Variants in COL4A4 observed in about 807,000 individuals in gnomAD.
The protein encoded by COL4A4 is collagen alpha-4(IV) chain.
Under a neutral mutation model 192.9 loss-of-function variants are expected in COL4A4, and 105 were observed. The observed-to-expected ratio is 0.54, with a 90% CI of 0.46 to 0.64. The LOEUF (loss-of-function observed/expected upper bound fraction) is 0.64. COL4A4 is among the 30% of genes least tolerant of loss of function. The pLI, the probability that COL4A4 is intolerant of heterozygous loss-of-function variation, is 0.00. For synonymous variants in COL4A4, 762 were observed against 769.9 expected (o/e 0.99, Z 0.17); for missense variants, 1,967 against 2,169.3 (o/e 0.91, Z 1.85).
the COL4A4 span, among the ~76,000 whole-genome samples, chr2:226,992,211 A>C: frequency 2.0e-5 from 3 of 152,224 alleles, no homozygotes; most frequent in Admixed American, 6.5e-5. Context: ...GACTGAGTGG[A>C]CAGCCAGGAA....
intron 4 of COL4A4, among the ~76,000 whole-genome samples, chr2:227,137,913 C>CT (rs1389528487): frequency 2.6e-5 from 4 of 152,016 alleles, no homozygotes; most frequent in Non-Finnish European, 5.9e-5. Context: ...AAAAGCCAGG[C>CT]TTTTTTTCTA....
the COL4A4 span, among the ~76,000 whole-genome samples, chr2:226,967,975 T>C: frequency 6.6e-6 from 1 of 152,200 alleles, no homozygotes; most frequent in Non-Finnish European, 1.5e-5. Flanking sequence ...ATGACTCTCT[T>C]TTGCTAGTTA....
the COL4A4 span, among the ~76,000 whole-genome samples, chr2:226,986,346 T>TATCA: frequency 1.3e-5 from 2 of 152,258 alleles, no homozygotes; most frequent in African/African-American, 2.4e-5. Flanking sequence ...CAGAGGAATG[T>TATCA]ATCAATGTTG....
intron 43 of COL4A4, 21 bp from the exon 44 acceptor site, chr2:227,022,194 T>C: frequency 6.2e-7 from 1 of 1,613,996 alleles, no homozygotes; most frequent in Non-Finnish European, 8.5e-7. Context: ...AATCACCGCT[T>C]GTGTAATGGA....
downstream of COL4A4, among the ~76,000 whole-genome samples, chr2:227,000,633 A>G (rs546321792): frequency 5.9e-5 from 9 of 152,268 alleles, no homozygotes; most frequent in Admixed American, 2.6e-4. Flanking sequence ...CTGAGCATCA[A>G]GTAAGGGCCT....
chr2:227,094,783 T>C (rs2060122833), intron 19 of COL4A4, among the ~76,000 whole-genome samples: 1 of 152,196 alleles, frequency 6.6e-6, no homozygotes, highest in African/African-American at 2.4e-5. Context: ...CATTGTACAA[T>C]GTATACATAT....
At chr2:227,060,417 A>G (rs1028416982) in intron 26 of COL4A4, among the ~76,000 whole-genome samples, 174 bp from the exon 27 acceptor site, 30 of 152,230 alleles carry the variant, frequency 2.0e-4, no homozygotes, top group African/African-American at 7.2e-4. Flanking sequence ...ATATGCTCCA[A>G]ATAAATGTTT....
chr2:227,080,253 A>G (rs1357799068), intron 24 of COL4A4, among the ~76,000 whole-genome samples, 190 bp downstream of exon 24: 1 of 152,194 alleles, frequency 6.6e-6, no homozygotes, highest in Non-Finnish European at 1.5e-5. Flanking sequence ...AGGATTTTAG[A>G]CCATGTCCAA....
intron 34 of COL4A4, among the ~76,000 whole-genome samples, chr2:227,048,661 A>G (rs973053285): frequency 6.6e-6 from 1 of 152,192 alleles, no homozygotes; most frequent in African/African-American, 2.4e-5. Flanking sequence ...GATCCATGAG[A>G]CATCTTTGAC....
chr2:227,021,436 C>G (rs1965990847), intron 44 of COL4A4, among the ~76,000 whole-genome samples: 1 of 152,120 alleles, frequency 6.6e-6, no homozygotes, highest in South Asian at 2.1e-4. Context: ...AATGACTGTT[C>G]ATGGAGCATC....
At chr2:227,046,825 A>G (rs951654688) in intron 35 of COL4A4, among the ~76,000 whole-genome samples, 1 of 151,992 alleles carries the variant, frequency 6.6e-6, no homozygotes, top group Non-Finnish European at 1.5e-5. Flanking sequence ...TAATGTAGCC[A>G]GTTGTGGCCT....
Position 227,008,296 on chromosome 2 carries a change from C to A in COL4A4, c.4531G>T (p.Gly1511Trp). The A allele has an allele frequency of 6.2e-7, 1 of 1,614,156 alleles. No homozygotes were observed. Among genetic ancestry groups the A allele is most frequent in the Non-Finnish European group, 8.5e-7 (1 of 1,179,958 alleles). Residue 1511 changes from glycine to tryptophan, a missense_variant, in exon 47 of 48, where the codon GGG becomes TGG. By Grantham distance (184) the Gly-to-Trp change is radical. Coordinates refer to ENST00000396625, the MANE Select transcript of COL4A4 (RefSeq NM_000092.5). ...KAHNQDLGLA[G>W]SCLPVFSTLP... ...GTGCTAAATACGGGAAGGCAAGACCCTGCCAGACCTTGGGAAGGGAAGAAG... is the reference window on the plus strand; with the variant it reads ...GTGCTAAATACGGGAAGGCAAGACCATGCCAGACCTTGGGAAGGGAAGAAG...
chr2:227,035,887 G>C (rs555666430), intron 37 of COL4A4, among the ~76,000 whole-genome samples: 53 of 152,200 alleles, frequency 3.5e-4, no homozygotes, highest in African/African-American at 1.2e-3. Flanking sequence ...AGGTTGTCAC[G>C]GTCCCAGCCT....
intron 47 of COL4A4, 39 bp from the exon 48 acceptor site, chr2:227,007,627 C>G: frequency 5.6e-6 from 9 of 1,611,812 alleles, no homozygotes; most frequent in Non-Finnish European, 6.8e-6. Context: ...CTCAGACACA[C>G]ACAGACAACC....
intron 37 of COL4A4, 75 bp from the exon 38 acceptor site, chr2:227,033,556 C>A: frequency 7.4e-7 from 1 of 1,347,042 alleles, no homozygotes; most frequent in East Asian, 2.3e-5. Context: ...AACGCAGGCA[C>A]TGCCCAGCAG....
chr2:226,995,165 G>A, the COL4A4 span, among the ~76,000 whole-genome samples: 1 of 152,028 alleles, frequency 6.6e-6, no homozygotes, highest in Non-Finnish European at 1.5e-5. Context: ...TATGGAGCAC[G>A]ATGGAAGGAA....
At chr2:227,051,728 T>C (rs1974147460) in intron 32 of COL4A4, among the ~76,000 whole-genome samples, 1 of 152,224 alleles carries the variant, frequency 6.6e-6, no homozygotes. Flanking sequence ...GTCATTGCGC[T>C]ATTCACTTTA....
At chr2:226,987,193 G>A in the COL4A4 span, among the ~76,000 whole-genome samples, 2 of 152,148 alleles carry the variant, frequency 1.3e-5, no homozygotes, top group Non-Finnish European at 2.9e-5. Context: ...GGGGGCAAGG[G>A]GAGGCATAGC....
At chr2:227,159,423 G>A (rs1251993580) in intron 1 of COL4A4, among the ~76,000 whole-genome samples, 2 of 152,180 alleles carry the variant, frequency 1.3e-5, no homozygotes, top group Non-Finnish European at 2.9e-5. Context: ...TGGATGCATC[G>A]GCAAAACTTT....
Sources: gnomAD v4.1 joint callset for allele counts (sites outside exome capture counted in the v4.1 genomes callset) on GRCh38, gnomAD v4.1.1 for gene constraint, MANE v1.5 for transcripts, NCBI Gene and HGNC (gene_info 2026-07-23, HGNC 2026-07-21) for gene names.